TTLL6: variants seen among roughly 807,000 people sequenced by gnomAD.
TTLL6 encodes tubulin polyglutamylase TTLL6.
Under a neutral mutation model 96.4 loss-of-function variants are expected in TTLL6, and 75 were observed. That is an observed-to-expected ratio of 0.78 (90% CI 0.65 to 0.94). TTLL6 has a LOEUF of 0.94. Among genes scored for constraint, TTLL6 ranks in the 40% least tolerant of loss-of-function variants. TTLL6 has a pLI of 0.00. For missense variants in TTLL6, 1,030 were observed against 1,093.0 expected (o/e 0.94, Z 0.81); for synonymous variants, 411 against 419.4 (o/e 0.98, Z 0.24).
chr17:48,771,561 G>A (rs912958215), intron 13 of TTLL6, among the ~76,000 whole-genome samples: 1 of 151,998 alleles, frequency 6.6e-6, no homozygotes, highest in African/African-American at 2.4e-5. Context: ...GAGCCTGAGA[G>A]CTTGAGGTTA....
At chr17:48,794,242 C>T (rs374642661) in intron 8 of TTLL6, 22 of 1,613,868 alleles carry the variant, frequency 1.4e-5, no homozygotes, top group Middle Eastern at 1.6e-4. Context: ...CCATCACAGC[C>T]GAGGGCCCAG....
At position 48,788,115 on chromosome 17, in the gene TTLL6, G is replaced by A. The variant is rs150777368; in HGVS notation, c.1401-116C>T. On this transcript the variant is annotated intron_variant, in intron 10 of 15. Transcript: ENST00000393382. ...AGATGGAGGCCTTGCACATAATGGC[G>A]GTCAATCAGGATTTGCTAAATAAAT... 2.7e-4 allele frequency: 240 copies of A among 901,086 alleles called. 1 individual carries two copies. The African/African-American group carries it at 3.5e-3, about 13-fold the overall frequency. The allele number at this position is 901,086 out of a possible 1,614,324, so 55.8% of individuals were successfully genotyped here.
chr17:48,793,681 G>A (rs1019606219), intron 8 of TTLL6, among the ~76,000 whole-genome samples: 4 of 151,930 alleles, frequency 2.6e-5, no homozygotes, highest in South Asian at 2.1e-4. Flanking sequence ...GCACCAACTC[G>A]GGGGTCAGGC....
At chr17:48,790,954 C>G in intron 9 of TTLL6, among the ~76,000 whole-genome samples, 1 of 152,198 alleles carries the variant, frequency 6.6e-6, no homozygotes, top group East Asian at 1.9e-4. Context: ...TCGGTGGCAG[C>G]AGGCCCCAGG....
rs377638955 is a variant in TTLL6, at chr17:48,816,740, G to A, written c.103+230C>T. On this transcript the variant is annotated intron_variant, in intron 1 of 15. Coordinates refer to ENST00000393382, the MANE Select transcript of TTLL6 (RefSeq NM_001130918.3). ...ACTGTGGTTTAGGAAATCGGGGGAGGGCGGGAAATGAACGTTAATAAGAGG... is the reference window on the plus strand; with the variant it reads ...ACTGTGGTTTAGGAAATCGGGGGAGAGCGGGAAATGAACGTTAATAAGAGG... Among the ~76,000 whole-genome samples the A allele has an allele frequency of 4.2e-4, 64 of 152,280 alleles. 1 individual carries two copies. In the South Asian group the frequency reaches 0.012, roughly 29 times the overall value.
chr17:48,816,508 T>G (rs1254169082), intron 1 of TTLL6, among the ~76,000 whole-genome samples: 1 of 151,720 alleles, frequency 6.6e-6, no homozygotes, highest in Non-Finnish European at 1.5e-5. Flanking sequence ...CAACTGGAAA[T>G]GAAAGAACAC....
intron 8 of TTLL6, chr17:48,794,164 T>C (rs777556231): frequency 6.2e-7 from 1 of 1,612,650 alleles, no homozygotes; most frequent in African/African-American, 1.3e-5. Context: ...ACAGGGGAAA[T>C]GGAAGAGGCA....
chr17:48,764,198 G>T lies in TTLL6; in HGVS notation c.*1-1225C>A, dbSNP rs764750877. On this transcript the variant is annotated intron_variant, in intron 15 of 15. Transcript: ENST00000393382. ...TCCCCTAGAATTCAACTCTTATACAGATCTGCACCATGGACTCAGTGACCA... is the reference window on the plus strand; with the variant it reads ...TCCCCTAGAATTCAACTCTTATACATATCTGCACCATGGACTCAGTGACCA... Among the ~76,000 whole-genome samples, 40 of 152,084 alleles carry T rather than the reference G, an allele frequency of 2.6e-4. 1 individual carries two copies. Among genetic ancestry groups the T allele is most frequent in the South Asian group, 8.3e-4 (4 of 4,834 alleles).
intron 1 of TTLL6, among the ~76,000 whole-genome samples, chr17:48,816,065 T>C (rs981389116): frequency 5.9e-5 from 9 of 152,226 alleles, no homozygotes; most frequent in African/African-American, 2.2e-4. Flanking sequence ...ATTCATTTTA[T>C]GGAGCTGTTT....
At chr17:48,814,910 C>T (rs1036337624) in intron 1 of TTLL6, among the ~76,000 whole-genome samples, 3 of 152,170 alleles carry the variant, frequency 2.0e-5, no homozygotes, top group Non-Finnish European at 4.4e-5. Context: ...TTCCCGGGAG[C>T]TGGGACTACA....
chr17:48,795,358 A>T (rs1473263924), intron 8 of TTLL6, among the ~76,000 whole-genome samples: 1 of 151,882 alleles, frequency 6.6e-6, no homozygotes, highest in Non-Finnish European at 1.5e-5. Flanking sequence ...AGAAAAGAAA[A>T]ATTCAGCAAT....
chr17:48,774,407 G>A (rs1477024357), intron 13 of TTLL6, among the ~76,000 whole-genome samples: 3 of 151,448 alleles, frequency 2.0e-5, no homozygotes, highest in Admixed American at 6.6e-5. Context: ...CAGGCAATCC[G>A]CCCGCCTCGG....
intron 1 of TTLL6, among the ~76,000 whole-genome samples, chr17:48,809,602 TA>T (rs2039551144): frequency 6.6e-6 from 1 of 152,178 alleles, no homozygotes; most frequent in African/African-American, 2.4e-5. Flanking sequence ...CTCACGCCTG[TA>T]ATCCCAACAT....
intron 8 of TTLL6, chr17:48,794,295 G>A: frequency 6.2e-7 from 1 of 1,613,338 alleles, no homozygotes; most frequent in South Asian, 1.1e-5. Context: ...GGAGGAAAAT[G>A]AGAACCTTTC....
intron 14 of TTLL6, 24 bp from the exon 15 acceptor site, chr17:48,769,278 T>G: frequency 6.4e-7 from 1 of 1,574,002 alleles, no homozygotes; most frequent in Non-Finnish European, 8.6e-7. Flanking sequence ...GTCAGAAGCA[T>G]CAGCGATTTG....
At chr17:48,775,082 C>A (rs2038844272) in intron 13 of TTLL6, among the ~76,000 whole-genome samples, 2 of 151,568 alleles carry the variant, frequency 1.3e-5, no homozygotes, top group Non-Finnish European at 2.9e-5. Context: ...AAGATCGTGC[C>A]ACTGCACACT....
chr17:48,813,706 A>G (rs2039625487), intron 1 of TTLL6, among the ~76,000 whole-genome samples: 1 of 152,088 alleles, frequency 6.6e-6, no homozygotes, highest in South Asian at 2.1e-4. Flanking sequence ...TATTGTTTCT[A>G]CTTGTATTTA....
chr17:48,806,566 C>T (rs2039507952), intron 1 of TTLL6, among the ~76,000 whole-genome samples: 1 of 151,966 alleles, frequency 6.6e-6, no homozygotes, highest in Non-Finnish European at 1.5e-5. Flanking sequence ...TCCTCCCTCA[C>T]AAATTCTTTG....
At position 48,775,488 on chromosome 17, in the gene TTLL6, C is replaced by CA. The variant is rs201568910; in HGVS notation, c.2041-5392dup. ...TCCATATGATTATATCACTTGATGC[C>CA]AAAAAAGCACTTGACAAGGTTCAAC... is the stretch of plus-strand genomic sequence containing the variant. On this transcript the variant is annotated intron_variant, in intron 13 of 15. Coordinates refer to ENST00000393382, the MANE Select transcript of TTLL6 (RefSeq NM_001130918.3). Among the ~76,000 whole-genome samples the CA allele has an allele frequency of 3.6e-3, 540 of 150,562 alleles. 21 individuals carry two copies. In the East Asian group the frequency reaches 0.067, roughly 19 times the overall value.
Sources: gnomAD v4.1 joint callset for allele counts (sites outside exome capture counted in the v4.1 genomes callset) on GRCh38, gnomAD v4.1.1 for gene constraint, MANE v1.5 for transcripts, NCBI Gene and HGNC (gene_info 2026-07-23, HGNC 2026-07-21) for gene names.